Variants in NUDT3 observed in about 807,000 individuals in gnomAD.
NUDT3 encodes the protein diphosphoinositol polyphosphate phosphohydrolase 1.
In NUDT3, 9 loss-of-function variants were observed where a neutral mutation model predicts 23.6. That is an observed-to-expected ratio of 0.38 (90% confidence interval 0.23 to 0.66). The LOEUF is 0.66. Among genes scored for constraint, NUDT3 ranks in the 30% least tolerant of loss-of-function variants. NUDT3 has a pLI of 0.52. For missense variants in NUDT3, 172 were observed against 218.5 expected (o/e 0.79, Z 1.34); for synonymous variants, 86 against 82.6 (o/e 1.04, Z -0.22).
intron 2 of NUDT3, among the ~76,000 whole-genome samples, chr6:34,329,888 TAAC>T (rs558083053): frequency 1.1e-4 from 16 of 152,272 alleles, no homozygotes; most frequent in South Asian, 4.1e-4. Flanking sequence ...CCATGAGTGA[TAAC>T]ATGTGGTGTT....
At chr6:34,296,246 G>A (rs1021990113) in intron 2 of NUDT3, among the ~76,000 whole-genome samples, 2 of 152,172 alleles carry the variant, frequency 1.3e-5, no homozygotes, top group African/African-American at 4.8e-5. Flanking sequence ...TCCAGCCTGG[G>A]TGACAAAGTG....
intron 1 of NUDT3, among the ~76,000 whole-genome samples, chr6:34,345,401 C>T (rs998622126): frequency 4.6e-5 from 7 of 151,660 alleles, no homozygotes; most frequent in East Asian, 2.0e-4. Context: ...TGGTAGCTCA[C>T]GGCTGTAATC....
At chr6:34,296,109 T>C (rs1466790490) in intron 2 of NUDT3, among the ~76,000 whole-genome samples, 1 of 152,148 alleles carries the variant, frequency 6.6e-6, no homozygotes, top group East Asian at 1.9e-4. Flanking sequence ...CTCTAAAAAT[T>C]TGTTTTTAAA....
At chr6:34,323,295 G>C (rs1472350822) in intron 2 of NUDT3, among the ~76,000 whole-genome samples, 1 of 152,178 alleles carries the variant, frequency 6.6e-6, no homozygotes, top group Non-Finnish European at 1.5e-5. Context: ...AAGACGGGCT[G>C]GGCACAGTGG....
chr6:34,392,473 G>C lies in NUDT3; in HGVS notation c.-111C>G. On this transcript the variant is annotated 5_prime_UTR_variant, in exon 1 of 5. Coordinates refer to ENST00000607016, the MANE Select transcript of NUDT3 (RefSeq NM_006703.4). Reference sequence around the variant, plus strand: ...CCCCGGCTCGGCCAAGGGAAGCAGGGAGGGGGAGCTTCTCCGCTACACGGC... The same window carrying C: ...CCCCGGCTCGGCCAAGGGAAGCAGGCAGGGGGAGCTTCTCCGCTACACGGC... The C allele has an allele frequency of 2.9e-6, 2 of 682,920 alleles. No individual in the cohort carries two copies. The highest frequency in any genetic ancestry group is 5.5e-5 in the Admixed American group (2 of 36,248). The allele number at this position is 682,920 out of a possible 1,614,324, so 42.3% of individuals were successfully genotyped here. A position where few individuals can be genotyped will look rare whatever the true frequency, so the allele number is the denominator to read the frequency against.
At chr6:34,364,757 G>A (rs540721955) in intron 1 of NUDT3, among the ~76,000 whole-genome samples, 4 of 152,298 alleles carry the variant, frequency 2.6e-5, no homozygotes, top group Admixed American at 2.6e-4. Flanking sequence ...CAATCAGCTG[G>A]GTGCGGTGGC....
At chr6:34,334,687 T>C (rs1206105996) in intron 2 of NUDT3, among the ~76,000 whole-genome samples, 2 of 151,962 alleles carry the variant, frequency 1.3e-5, no homozygotes, top group Non-Finnish European at 2.9e-5. Context: ...ACACCTGTAA[T>C]CCCAGCACTT....
chr6:34,368,831 G>A (rs1044133671), intron 1 of NUDT3, among the ~76,000 whole-genome samples: 3 of 152,232 alleles, frequency 2.0e-5, no homozygotes, highest in East Asian at 1.9e-4. Context: ...GCAGAGACGG[G>A]GTTTCACCGT....
intron 2 of NUDT3, among the ~76,000 whole-genome samples, chr6:34,333,251 ATC>A (rs1158708944): frequency 6.6e-6 from 1 of 152,190 alleles, no homozygotes; most frequent in Non-Finnish European, 1.5e-5. Context: ...CTTCAGATTT[ATC>A]TGTTTCTGAA....
At chr6:34,331,666 G>A (rs371782651) in intron 2 of NUDT3, among the ~76,000 whole-genome samples, 149 of 152,216 alleles carry the variant, frequency 9.8e-4, no homozygotes, top group African/African-American at 3.0e-3. Context: ...AAATACAGTC[G>A]GCCCTCCGTA....
chr6:34,328,613 C>T (rs1228731574), intron 2 of NUDT3, among the ~76,000 whole-genome samples: 7 of 152,090 alleles, frequency 4.6e-5, no homozygotes, highest in Non-Finnish European at 1.0e-4. Context: ...AGCCTTGATG[C>T]TAGGCTCAAG....
intron 2 of NUDT3, among the ~76,000 whole-genome samples, chr6:34,302,775 T>C (rs930800271): frequency 8.5e-5 from 13 of 152,164 alleles, no homozygotes; most frequent in African/African-American, 3.1e-4. Flanking sequence ...TCCCTATTCC[T>C]ATGGCATAAA....
At chr6:34,323,597 A>AGAAGAGAAGC (rs1763978656) in intron 2 of NUDT3, among the ~76,000 whole-genome samples, 1 of 152,106 alleles carries the variant, frequency 6.6e-6, no homozygotes, top group Admixed American at 6.6e-5. Context: ...CAAGAAACAA[A>AGAAGAGAAGC]GAAGAGAAGC....
chr6:34,302,030 CTTTA>C (rs546376433), intron 2 of NUDT3, among the ~76,000 whole-genome samples: 170 of 151,996 alleles, frequency 1.1e-3, no homozygotes, highest in African/African-American at 3.7e-3. Context: ...TTCTTTGTAT[CTTTA>C]TTTATTTATT....
chr6:34,302,285 T>C (rs916207626), intron 2 of NUDT3, among the ~76,000 whole-genome samples: 2 of 152,056 alleles, frequency 1.3e-5, no homozygotes, highest in Non-Finnish European at 2.9e-5. Flanking sequence ...CCATTTCAGC[T>C]TCCTTCTTGA....
intron 2 of NUDT3, among the ~76,000 whole-genome samples, chr6:34,319,686 C>T (rs1444398779): frequency 6.6e-6 from 1 of 152,224 alleles, no homozygotes; most frequent in African/African-American, 2.4e-5. Flanking sequence ...TACTAATCGA[C>T]TGAGTAGGAA....
At chr6:34,296,518 G>A (rs1049716241) in intron 2 of NUDT3, among the ~76,000 whole-genome samples, 2 of 150,978 alleles carry the variant, frequency 1.3e-5, no homozygotes, top group African/African-American at 2.4e-5. Flanking sequence ...AGGCTGCAGT[G>A]AGCCGAGATC....
intron 2 of NUDT3, among the ~76,000 whole-genome samples, chr6:34,331,009 C>T (rs1764119129): frequency 6.6e-6 from 1 of 152,140 alleles, no homozygotes; most frequent in Non-Finnish European, 1.5e-5. Flanking sequence ...CACATGCTAC[C>T]ACGCCCAGCT....
At chr6:34,326,647 C>A (rs956581924) in intron 2 of NUDT3, among the ~76,000 whole-genome samples, 2 of 151,676 alleles carry the variant, frequency 1.3e-5, no homozygotes, top group Admixed American at 6.6e-5. Context: ...GCTGCCCAGG[C>A]TGGAGTGCAG....
Sources: gnomAD v4.1 joint callset for allele counts (sites outside exome capture counted in the v4.1 genomes callset) on GRCh38, gnomAD v4.1.1 for gene constraint, MANE v1.5 for transcripts, NCBI Gene and HGNC (gene_info 2026-07-23, HGNC 2026-07-21) for gene names.